KIAA1328: variants seen among roughly 807,000 people sequenced by gnomAD.
KIAA1328 encodes the protein protein hinderin.
KIAA1328 carries 52 observed loss-of-function variants against 68.1 expected under a neutral mutation model. That is an observed-to-expected ratio of 0.76 (90% CI 0.61 to 0.96). The LOEUF (loss-of-function observed/expected upper bound fraction) is 0.96. KIAA1328 is among the 40% of genes least tolerant of loss of function. The probability of loss-of-function intolerance (pLI) is 0.00; values close to 1 mark genes in which losing one functional copy is unlikely to be tolerated. For synonymous variants in KIAA1328, 232 were observed against 239.4 expected, an observed-to-expected ratio of 0.97 and a Z score of 0.28; for missense variants, 641 against 677.6, an observed-to-expected ratio of 0.95 and a Z score of 0.60.
chr18:37,004,235 ATTTG>A (rs1403391651), intron 6 of KIAA1328, among the ~76,000 whole-genome samples: 2 of 151,896 alleles, frequency 1.3e-5, no homozygotes, highest in African/African-American at 2.4e-5. Context: ...AGGTGTTTCC[ATTTG>A]TTTGTGTCAT....
chr18:37,210,214 G>T (rs1056076718), intron 9 of KIAA1328, among the ~76,000 whole-genome samples: 2 of 152,150 alleles, frequency 1.3e-5, no homozygotes, highest in Admixed American at 1.3e-4. Context: ...AATTGGTAAC[G>T]TGGAGTCAAG....
At chr18:37,165,711 G>A (rs376213166) in intron 8 of KIAA1328, among the ~76,000 whole-genome samples, 158 of 151,056 alleles carry the variant, frequency 1.0e-3, no homozygotes, top group African/African-American at 3.2e-3. Context: ...CCTGCCTCAG[G>A]GTCCCGAGTA....
chr18:36,859,215 C>T (rs1351692889), intron 4 of KIAA1328, among the ~76,000 whole-genome samples: 3 of 152,044 alleles, frequency 2.0e-5, no homozygotes. Context: ...TTCATTTTAA[C>T]AAGTGCAGTT....
chr18:37,186,198 G>A (rs2059796581), intron 9 of KIAA1328, among the ~76,000 whole-genome samples: 1 of 144,786 alleles, frequency 6.9e-6, no homozygotes, highest in African/African-American at 2.6e-5. Flanking sequence ...CCAGGTACAA[G>A]GGATTCTCCT....
At chr18:36,836,653 T>C (rs547367707) in intron 3 of KIAA1328, among the ~76,000 whole-genome samples, 17 of 152,268 alleles carry the variant, frequency 1.1e-4, no homozygotes, top group Admixed American at 5.9e-4. Flanking sequence ...AAAATTCACC[T>C]TTTTAAAGTG....
chr18:37,110,272 T>C (rs1309909524), intron 7 of KIAA1328, among the ~76,000 whole-genome samples: 1 of 152,204 alleles, frequency 6.6e-6, no homozygotes, highest in Non-Finnish European at 1.5e-5. Flanking sequence ...GTGTTTCACT[T>C]ATACTACTGA....
intron 7 of KIAA1328, among the ~76,000 whole-genome samples, chr18:37,112,456 G>T (rs1032050955): frequency 6.6e-6 from 1 of 152,128 alleles, no homozygotes; most frequent in Non-Finnish European, 1.5e-5. Flanking sequence ...TGTGGCTGAG[G>T]GTTCTGACTG....
chr18:37,176,574 G>A (rs1262225344), intron 9 of KIAA1328, among the ~76,000 whole-genome samples: 1 of 152,230 alleles, frequency 6.6e-6, no homozygotes, highest in East Asian at 1.9e-4. Context: ...GGGTGGTGAA[G>A]CTGAATTAAA....
intron 9 of KIAA1328, among the ~76,000 whole-genome samples, chr18:37,201,353 C>A (rs947670848): frequency 2.6e-5 from 4 of 151,860 alleles, no homozygotes; most frequent in Admixed American, 2.0e-4. Context: ...AAATCAGGTT[C>A]TTTTTTTTCT....
intron 6 of KIAA1328, among the ~76,000 whole-genome samples, chr18:36,983,362 T>C (rs933161416): frequency 1.3e-5 from 2 of 152,014 alleles, no homozygotes; most frequent in Admixed American, 6.5e-5. Context: ...GGGATCAGTA[T>C]TACTGTTTTT....
chr18:37,069,220 A>T (rs1231575173), intron 7 of KIAA1328, among the ~76,000 whole-genome samples: 1 of 151,796 alleles, frequency 6.6e-6, no homozygotes, highest in Non-Finnish European at 1.5e-5. Context: ...AATGTTACTG[A>T]ATTCCATTTA....
chr18:37,203,968 C>G (rs866647993), intron 9 of KIAA1328, among the ~76,000 whole-genome samples: 1 of 152,174 alleles, frequency 6.6e-6, no homozygotes, highest in Non-Finnish European at 1.5e-5. Flanking sequence ...CGCCACCACA[C>G]GCAGCTAATT....
chr18:37,116,062 T>C (rs1036208479), intron 7 of KIAA1328, among the ~76,000 whole-genome samples: 7 of 152,128 alleles, frequency 4.6e-5, no homozygotes, highest in Non-Finnish European at 1.0e-4. Flanking sequence ...GAAAAATCAA[T>C]ATCATGAAAA....
chr18:36,899,222 A>C (rs1322558014), intron 5 of KIAA1328, among the ~76,000 whole-genome samples: 2 of 151,868 alleles, frequency 1.3e-5, no homozygotes, highest in Non-Finnish European at 2.9e-5. Flanking sequence ...ACTAATCATG[A>C]ATGGACACTG....
At chr18:37,060,931 C>T (rs756293098) in intron 6 of KIAA1328, among the ~76,000 whole-genome samples, 1 of 152,136 alleles carries the variant, frequency 6.6e-6, no homozygotes, top group Non-Finnish European at 1.5e-5. Context: ...TCCTGGCCAA[C>T]ATGGTGAAAC....
At chr18:37,003,807 C>T (rs1456285026) in intron 6 of KIAA1328, among the ~76,000 whole-genome samples, 2 of 151,982 alleles carry the variant, frequency 1.3e-5, no homozygotes, top group African/African-American at 4.8e-5. Flanking sequence ...TTAAATGTGG[C>T]TTGCCAATTA....
chr18:36,905,732 A>T (rs2049195219), intron 5 of KIAA1328, among the ~76,000 whole-genome samples: 1 of 152,150 alleles, frequency 6.6e-6, no homozygotes. Context: ...TCTGGAAATT[A>T]TTGGGCAACA....
At chr18:37,226,715 C>CTTTTT (rs763991741), downstream of KIAA1328, among the ~76,000 whole-genome samples, 54 of 128,666 alleles carry the variant, frequency 4.2e-4, no homozygotes, top group Non-Finnish European at 6.6e-4. Context: ...GGGTTGTTCC[C>CTTTTT]TTTTTTTTTT....
intron 7 of KIAA1328, among the ~76,000 whole-genome samples, chr18:37,133,355 T>C (rs2058567856): frequency 6.6e-6 from 1 of 150,732 alleles, no homozygotes; most frequent in South Asian, 2.1e-4. Context: ...AAATAGTGGC[T>C]GTAGGTGTTA....
Sources: gnomAD v4.1 joint callset for allele counts (sites outside exome capture counted in the v4.1 genomes callset) on GRCh38, gnomAD v4.1.1 for gene constraint, MANE v1.5 for transcripts, NCBI Gene and HGNC (gene_info 2026-07-23, HGNC 2026-07-21) for gene names.